Variants in MAGI1 observed in about 807,000 individuals in gnomAD.
MAGI1 encodes the protein membrane-associated guanylate kinase, WW and PDZ domain-containing protein 1.
Under a neutral mutation model 139.9 loss-of-function variants are expected in MAGI1, and 58 were observed. The ratio of observed to expected loss-of-function variants is 0.41; its 90% CI spans 0.34 to 0.52. The LOEUF is 0.52. MAGI1 is among the 20% of genes least tolerant of loss of function. The pLI is 0.12. For missense variants in MAGI1, 1,874 were observed against 1,901.6 expected (o/e 0.99, Z 0.27); for synonymous variants, 812 against 737.9 (o/e 1.10, Z -1.63).
intron 1 of MAGI1, among the ~76,000 whole-genome samples, chr3:65,820,737 G>C (rs1395762219): frequency 1.3e-5 from 2 of 152,088 alleles, no homozygotes; most frequent in Non-Finnish European, 2.9e-5. Context: ...ATGTGCTTCA[G>C]GCACATTTTG....
chr3:65,768,420 A>G (rs545516244), intron 1 of MAGI1, among the ~76,000 whole-genome samples: 1 of 147,400 alleles, frequency 6.8e-6, no homozygotes, highest in South Asian at 2.1e-4. Flanking sequence ...ATTCAATCTC[A>G]AAAAAAAAAA....
chr3:65,969,600 C>T (rs2064926970), intron 1 of MAGI1, among the ~76,000 whole-genome samples: 1 of 152,196 alleles, frequency 6.6e-6, no homozygotes, highest in African/African-American at 2.4e-5. Context: ...CACGCTTGCA[C>T]TCACAAGGTG....
intron 1 of MAGI1, among the ~76,000 whole-genome samples, chr3:65,871,607 A>C (rs1022771569): frequency 6.6e-6 from 1 of 152,262 alleles, no homozygotes; most frequent in African/African-American, 2.4e-5. Context: ...CTGGAAACAC[A>C]GCAGGTGGAG....
chr3:65,555,684 C>T (rs543017602), intron 2 of MAGI1, among the ~76,000 whole-genome samples: 2 of 152,082 alleles, frequency 1.3e-5, no homozygotes, highest in Admixed American at 6.5e-5. Context: ...GGTGAGACCC[C>T]GTCTCTACAA....
At chr3:65,947,841 C>T (rs2063608652) in intron 1 of MAGI1, among the ~76,000 whole-genome samples, 1 of 152,010 alleles carries the variant, frequency 6.6e-6, no homozygotes, top group African/African-American at 2.4e-5. Context: ...TGGTCCCAAA[C>T]CCTGAGCTCA....
At chr3:66,032,708 G>A (rs1373755047) in intron 1 of MAGI1, among the ~76,000 whole-genome samples, 1 of 151,630 alleles carries the variant, frequency 6.6e-6, no homozygotes, top group Admixed American at 6.6e-5. Context: ...GATTGCCTGA[G>A]CTCAAGAGAC....
intron 1 of MAGI1, among the ~76,000 whole-genome samples, chr3:66,007,915 G>A (rs62243809): frequency 8.7e-6 from 1 of 115,248 alleles, no homozygotes; most frequent in African/African-American, 3.7e-5. Context: ...TTTTTTTTTG[G>A]ACATAGAGTC....
chr3:65,508,403 CA>C (rs571879285), intron 2 of MAGI1, among the ~76,000 whole-genome samples: 3 of 142,106 alleles, frequency 2.1e-5, no homozygotes, highest in Admixed American at 7.0e-5. Flanking sequence ...GACTCTGTCT[CA>C]AAAAAAAATA....
intron 2 of MAGI1, among the ~76,000 whole-genome samples, chr3:65,530,836 TATACACAC>T (rs2078675611): frequency 1.1e-5 from 1 of 90,818 alleles, no homozygotes; most frequent in Non-Finnish European, 2.0e-5. Flanking sequence ...TATATATATA[TATACACAC>T]ACACACACAC....
At chr3:65,776,192 T>G (rs765589342) in intron 1 of MAGI1, among the ~76,000 whole-genome samples, 1 of 151,914 alleles carries the variant, frequency 6.6e-6, no homozygotes, top group Non-Finnish European at 1.5e-5. Context: ...TAAAAATCAA[T>G]GTAGCATTCT....
At chr3:65,933,481 G>C (rs2062899372) in intron 1 of MAGI1, among the ~76,000 whole-genome samples, 1 of 152,170 alleles carries the variant, frequency 6.6e-6, no homozygotes, top group Non-Finnish European at 1.5e-5. Context: ...TCCCCAGAGT[G>C]ACAGATCCAA....
intron 18 of MAGI1, among the ~76,000 whole-genome samples, chr3:65,370,761 C>T (rs539171730): frequency 1.9e-4 from 29 of 152,296 alleles, no homozygotes; most frequent in Middle Eastern, 3.4e-3. Flanking sequence ...CTCCCGCCAG[C>T]GTATCCTGCC....
chr3:65,966,691 T>C (rs2064762378), intron 1 of MAGI1, among the ~76,000 whole-genome samples: 2 of 152,150 alleles, frequency 1.3e-5, no homozygotes, highest in East Asian at 1.9e-4. Context: ...TCAAACCCCA[T>C]TGCTGCTAAT....
Position 66,038,061 on chromosome 3 carries a change from CG to C in MAGI1, c.247del (p.Arg83AlafsTer26). ...VQGVRVSGLP[R>X]YDVLGVIDSC... ...GTCGATGACCCCCAGCACGTCATAG[CG>C]GGGCAAGCCGGACACCCGGACCCCC... is the stretch of plus-strand genomic sequence containing the variant. On this transcript the variant is annotated frameshift_variant, in exon 1 of 23. Coordinates refer to ENST00000402939, the MANE Select transcript of MAGI1 (RefSeq NM_001033057.2). LOFTEE classifies it high-confidence loss of function. 1 of 1,612,264 alleles carries C rather than the reference CG, an allele frequency of 6.2e-7. No homozygotes were observed. The highest frequency in any genetic ancestry group is 8.5e-7 in the Non-Finnish European group (1 of 1,179,260).
rs1259563648 is a variant in MAGI1 at position 65,936,918 on chromosome 3, TTGG to T, written c.313+101075_313+101077del. On this transcript the variant is annotated intron_variant, in intron 1 of 22. Transcript: ENST00000402939. ...AGGTTCAAAGTTGTTGTTGTTGTTG[TTGG>T]TGGTGGTGGTGGTGATGGTGGTGGT... Among the ~76,000 whole-genome samples, 316 of 149,348 alleles carry T rather than the reference TTGG, an allele frequency of 2.1e-3. 4 individuals carry two copies. The highest frequency in any genetic ancestry group is 0.02 in the Admixed American group (298 of 15,066).
intron 5 of MAGI1, among the ~76,000 whole-genome samples, chr3:65,469,536 A>G (rs1465252505): frequency 6.6e-6 from 1 of 152,012 alleles, no homozygotes; most frequent in East Asian, 1.9e-4. Context: ...TAAATCTGAA[A>G]GACTTTCCTG....
chr3:65,658,119 C>T (rs1364624060), intron 1 of MAGI1, among the ~76,000 whole-genome samples: 1 of 152,062 alleles, frequency 6.6e-6, no homozygotes, highest in East Asian at 1.9e-4. Flanking sequence ...ATCATGTGTT[C>T]CCTGGGGGAA....
intron 1 of MAGI1, among the ~76,000 whole-genome samples, chr3:65,752,818 G>A (rs940230935): frequency 6.6e-6 from 1 of 152,154 alleles, no homozygotes; most frequent in African/African-American, 2.4e-5. Context: ...ATCTTGGCCT[G>A]CTTTCAGCAA....
At chr3:65,800,178 A>G (rs1456892725) in intron 1 of MAGI1, among the ~76,000 whole-genome samples, 1 of 152,194 alleles carries the variant, frequency 6.6e-6, no homozygotes, top group Non-Finnish European at 1.5e-5. Context: ...ACACATGTAA[A>G]GCATTCAGAA....
Sources: allele counts gnomAD v4.1 joint callset (sites outside exome capture counted in the v4.1 genomes callset), GRCh38; gene constraint gnomAD v4.1.1; transcripts MANE v1.5; gene names NCBI Gene and HGNC (gene_info 2026-07-23, HGNC 2026-07-21).